Variants in VPS13C observed in about 807,000 individuals in gnomAD.
VPS13C encodes the protein intermembrane lipid transfer protein VPS13C.
Under a neutral mutation model 456.8 loss-of-function variants are expected in VPS13C, and 358 were observed. The observed-to-expected ratio is 0.78, with a 90% CI of 0.72 to 0.86. The LOEUF is 0.86. Among genes scored for constraint, VPS13C ranks in the 40% least tolerant of loss-of-function variants. The probability of loss-of-function intolerance (pLI) is 0.00; values close to 1 mark genes in which losing one functional copy is unlikely to be tolerated. For synonymous variants in VPS13C, 1,578 were observed against 1,486.7 expected (o/e 1.06, Z -1.41); for missense variants, 4,818 against 4,385.4 (o/e 1.10, Z -2.79).
At chr15:62,020,367 AT>A in intron 9 of VPS13C, 111 bp downstream of exon 9, 1 of 816,596 alleles carries the variant, frequency 1.2e-6, no homozygotes, top group Non-Finnish European at 1.8e-6. Flanking sequence ...ATGATAATAT[AT>A]TTAAAAAATC....
At chr15:61,896,909 A>C (rs1044213940) in intron 66 of VPS13C, among the ~76,000 whole-genome samples, 2 of 152,242 alleles carry the variant, frequency 1.3e-5, no homozygotes, top group African/African-American at 4.8e-5. Context: ...AGATCTGAGA[A>C]GGGGCAGACT....
Position 61,915,712 on chromosome 15 carries a change from A to T in VPS13C, c.8366T>A (p.Ile2789Asn), listed in dbSNP as rs72747885. 1.0e-4 allele frequency: 166 copies of T among 1,613,496 alleles called. No individual in the cohort carries two copies. Among genetic ancestry groups the T allele is most frequent in the Non-Finnish European group, 1.4e-4 (164 of 1,179,908 alleles). Residue 2789 changes from isoleucine (I) to asparagine (N), a missense_variant, in exon 61 of 85, where the codon ATT becomes AAT. Physicochemically the swap from Ile to Asn is moderately radical, Grantham distance 149. Coordinates refer to ENST00000644861, the MANE Select transcript of VPS13C (RefSeq NM_020821.3). ...GAAATCAGCTGGATGTTTCACATGA[A>T]TATCTTCTGAACGATACTGGAGAAC... The part of the protein sequence containing the change: ...TRVLQYRSED[I>N]HVKHPADFRD...
chr15:61,874,498 A>G lies in VPS13C; in HGVS notation c.10414+378T>C, dbSNP rs77861797. ...AAAATAAAATAATTTTTTAAGGCTC[A>G]GAGAAGTTACATTGTTTATATAAAC... On this transcript the variant is annotated intron_variant, in intron 77 of 84. Coordinates refer to ENST00000644861, the MANE Select transcript of VPS13C (RefSeq NM_020821.3). Among the ~76,000 whole-genome samples the G allele has an allele frequency of 5.9e-3, 903 of 152,206 alleles. 3 individuals carry two copies. The highest frequency in any genetic ancestry group is 7.5e-3 in the Non-Finnish European group (509 of 67,950).
intron 41 of VPS13C, 34 bp downstream of exon 41, chr15:61,950,324 A>C: frequency 1.3e-6 from 2 of 1,539,384 alleles, no homozygotes; most frequent in Non-Finnish European, 1.8e-6. Flanking sequence ...TAATCAACAC[A>C]ACCCAACCTT....
At chr15:62,016,413 C>A (rs1290218174) in intron 9 of VPS13C, among the ~76,000 whole-genome samples, 2 of 104,244 alleles carry the variant, frequency 1.9e-5, no homozygotes, top group Non-Finnish European at 3.6e-5. Context: ...TAATGCTATC[C>A]CTCCCCCCTC....
chr15:61,952,677 A>C (rs1335469798), intron 38 of VPS13C, among the ~76,000 whole-genome samples: 1 of 152,164 alleles, frequency 6.6e-6, no homozygotes, highest in Non-Finnish European at 1.5e-5. Context: ...TCAGATTCTA[A>C]AAAGTAGAGC....
At chr15:62,059,596 G>C (rs191585534) in intron 1 of VPS13C, among the ~76,000 whole-genome samples, 11 of 152,218 alleles carry the variant, frequency 7.2e-5, no homozygotes, top group African/African-American at 2.7e-4. Context: ...GACGATGCTG[G>C]TCGAGGCTTG....
intron 1 of VPS13C, among the ~76,000 whole-genome samples, chr15:62,053,782 G>A (rs150996221): frequency 6.4e-4 from 98 of 152,328 alleles, no homozygotes; most frequent in African/African-American, 2.4e-3. Flanking sequence ...ATGCTGCACT[G>A]CTCCAACAAT....
chr15:61,971,278 T>C (rs2045544233), intron 27 of VPS13C, among the ~76,000 whole-genome samples: 1 of 152,196 alleles, frequency 6.6e-6, no homozygotes, highest in African/African-American at 2.4e-5. Flanking sequence ...TATTTTATTT[T>C]AGAGACAAAG....
intron 67 of VPS13C, among the ~76,000 whole-genome samples, chr15:61,884,808 A>T (rs529369962): frequency 1.8e-4 from 27 of 152,258 alleles, no homozygotes; most frequent in African/African-American, 6.5e-4. Context: ...ATGCCATTTC[A>T]TACAGATAGG....
rs1243360413 is a variant in VPS13C, at chr15:61,964,776, T to A, written c.3137A>T (p.Asp1046Val). The A allele has an allele frequency of 6.2e-7, 1 of 1,612,790 alleles. No homozygotes were observed. Among genetic ancestry groups the A allele is most frequent in the East Asian group, 2.2e-5 (1 of 44,840 alleles). Residue 1046 changes from aspartate to valine, a missense_variant, in exon 31 of 85, where the codon GAT (aspartate) becomes GTT (valine). Coordinates refer to ENST00000644861, the MANE Select transcript of VPS13C (RefSeq NM_020821.3). ...CTTAGCAACACTTATGCTTTGATCA[T>A]CAGATGGAATAATGGTTGTGAGGTA... ...INYLTTIIPS[D>V]DQSISVAKEV...
At chr15:62,049,899 T>C (rs1392933308) in intron 1 of VPS13C, among the ~76,000 whole-genome samples, 4 of 148,782 alleles carry the variant, frequency 2.7e-5, no homozygotes, top group African/African-American at 7.9e-5. Flanking sequence ...TTTGGCTCTC[T>C]GTTTGTCTGT....
intron 66 of VPS13C, among the ~76,000 whole-genome samples, chr15:61,902,653 A>G (rs2043035901): frequency 6.6e-6 from 1 of 152,220 alleles, no homozygotes; most frequent in Admixed American, 6.5e-5. Flanking sequence ...GTATTGCTTT[A>G]TGAAAAAAGT....
rs183779311 is a variant in VPS13C, at chr15:62,040,321, T to C, written c.187+1003A>G. Among the ~76,000 whole-genome samples the C allele has an allele frequency of 2.6e-4, 39 of 152,218 alleles. No homozygotes were observed. The East Asian group carries it at 4.8e-3, about 19-fold the overall frequency. Reference sequence around the variant, plus strand: ...GGTGACTACATTCAATAATAATTGATTGCACATTTACATATAACTAAGAGT... The same window carrying C: ...GGTGACTACATTCAATAATAATTGACTGCACATTTACATATAACTAAGAGT... On this transcript the variant is annotated intron_variant, in intron 3 of 84. Coordinates refer to ENST00000644861, the MANE Select transcript of VPS13C (RefSeq NM_020821.3).
In VPS13C at chr15:62,033,484, C is replaced by G. The variant is rs757250565; in HGVS notation, c.342G>C (p.Glu114Asp). 26 of 1,607,696 alleles carry G rather than the reference C, an allele frequency of 1.6e-5. No individual in the cohort carries two copies. Among genetic ancestry groups the G allele is most frequent in the Non-Finnish European group, 2.0e-5 (24 of 1,176,690 alleles). Residue 114 changes from glutamate (E) to aspartate (D), a missense_variant, in exon 5 of 85, where the codon GAG becomes GAC. This residue lies in a region of VPS13C where 4,552 missense variants were observed against 4,130.6 expected (regional missense o/e 1.10). Coordinates refer to ENST00000644861, the MANE Select transcript of VPS13C (RefSeq NM_020821.3). Reference sequence around the variant, plus strand: ...GAAGGGCTTCTTCAATTCGGGATAGCTCTTTCTGTTTAACATCCTGCAAGG... The same window carrying G: ...GAAGGGCTTCTTCAATTCGGGATAGGTCTTTCTGTTTAACATCCTGCAAGG... ...EKSLQDVKQK[E>D]LSRIEEALQK... is the part of the protein sequence containing the mutation.
At chr15:61,996,907 A>G (rs1478496102) in intron 16 of VPS13C, among the ~76,000 whole-genome samples, 2 of 150,088 alleles carry the variant, frequency 1.3e-5, no homozygotes, top group East Asian at 3.9e-4. Flanking sequence ...ATATATATAT[A>G]TTACATATAC....
chr15:61,970,715 T>C (rs903403418), intron 27 of VPS13C, among the ~76,000 whole-genome samples: 1 of 152,058 alleles, frequency 6.6e-6, no homozygotes, highest in Non-Finnish European at 1.5e-5. Context: ...TCTGTTATAG[T>C]AACAGAAAAC....
At chr15:62,043,712 A>G (rs2048312213) in intron 2 of VPS13C, among the ~76,000 whole-genome samples, 1 of 152,244 alleles carries the variant, frequency 6.6e-6, no homozygotes, top group South Asian at 2.1e-4. Context: ...CAACAAGCTA[A>G]ACAGAAACCT....
intron 27 of VPS13C, among the ~76,000 whole-genome samples, chr15:61,971,007 G>A (rs1199075710): frequency 3.9e-5 from 6 of 152,216 alleles, no homozygotes; most frequent in African/African-American, 1.4e-4. Context: ...TTAACTCACT[G>A]CTATTTTCCA....
Sources: allele counts gnomAD v4.1 joint callset (sites outside exome capture counted in the v4.1 genomes callset), GRCh38; gene constraint gnomAD v4.1.1; regional missense constraint gnomAD v4.1.1; transcripts MANE v1.5; gene names NCBI Gene and HGNC (gene_info 2026-07-23, HGNC 2026-07-21).